ROBO2: variants seen among roughly 807,000 people sequenced by gnomAD.
ROBO2 encodes roundabout homolog 2.
Under a neutral mutation model 160.8 loss-of-function variants are expected in ROBO2, and 53 were observed. The observed-to-expected ratio is 0.33, with a 90% CI of 0.26 to 0.41. The LOEUF (loss-of-function observed/expected upper bound fraction) is 0.41. Among genes scored for constraint, ROBO2 ranks in the 10% least tolerant of loss-of-function variants. ROBO2 has a pLI of 1.00. For synonymous variants in ROBO2, 664 were observed against 611.7 expected, an observed-to-expected ratio of 1.09 and a Z score of -1.26; for missense variants, 1,577 against 1,722.4, an observed-to-expected ratio of 0.92 and a Z score of 1.49.
intron 2 of ROBO2, among the ~76,000 whole-genome samples, chr3:76,897,528 C>G (rs1044203719): frequency 2.6e-5 from 4 of 152,098 alleles, no homozygotes; most frequent in African/African-American, 7.2e-5. Context: ...AGTGCAGACA[C>G]CGTAAACCAA....
intron 2 of ROBO2, among the ~76,000 whole-genome samples, chr3:76,842,093 A>G (rs894679298): frequency 9.9e-5 from 15 of 152,214 alleles, no homozygotes; most frequent in South Asian, 8.3e-4. Flanking sequence ...TTTTGCCACA[A>G]TCGTGTTGTT....
At chr3:76,716,252 T>C (rs1365304275) in intron 2 of ROBO2, among the ~76,000 whole-genome samples, 2 of 152,214 alleles carry the variant, frequency 1.3e-5, no homozygotes, top group African/African-American at 4.8e-5. Context: ...GATACTGTTT[T>C]TGGAGTCTCT....
intron 2 of ROBO2, among the ~76,000 whole-genome samples, chr3:76,105,951 A>G (rs902717562): frequency 2.0e-5 from 3 of 152,148 alleles, no homozygotes; most frequent in African/African-American, 4.8e-5. Flanking sequence ...CCACTGTACA[A>G]TGGTTTCAGT....
chr3:77,505,487 T>C (rs1561022495), intron 5 of ROBO2, among the ~76,000 whole-genome samples: 1 of 152,170 alleles, frequency 6.6e-6, no homozygotes, highest in Non-Finnish European at 1.5e-5. Context: ...AGTCTCATCA[T>C]TTTTAATCAT....
intron 2 of ROBO2, among the ~76,000 whole-genome samples, chr3:77,008,804 C>T (rs1365998434): frequency 6.6e-6 from 1 of 152,080 alleles, no homozygotes; most frequent in African/African-American, 2.4e-5. Context: ...AAATGGAAAA[C>T]TTAACGGGCC....
intron 2 of ROBO2, among the ~76,000 whole-genome samples, chr3:76,171,066 T>C (rs936647639): frequency 9.9e-5 from 15 of 152,230 alleles, no homozygotes; most frequent in African/African-American, 3.6e-4. Flanking sequence ...CTGGTAAAGA[T>C]CCAAACTTAA....
intron 2 of ROBO2, among the ~76,000 whole-genome samples, chr3:76,344,703 G>T (rs2108216091): frequency 6.6e-6 from 1 of 152,220 alleles, no homozygotes; most frequent in African/African-American, 2.4e-5. Flanking sequence ...TTTGGTTTAG[G>T]AAATTATATG....
intron 2 of ROBO2, among the ~76,000 whole-genome samples, chr3:77,312,891 T>G (rs1246387391): frequency 6.6e-6 from 1 of 152,184 alleles, no homozygotes; most frequent in East Asian, 1.9e-4. Flanking sequence ...AAATCTTAAT[T>G]ATCACCAAAT....
chr3:76,304,604 A>G (rs1366502426), intron 2 of ROBO2, among the ~76,000 whole-genome samples: 1 of 152,216 alleles, frequency 6.6e-6, no homozygotes, highest in Non-Finnish European at 1.5e-5. Context: ...TGTAGTTAGT[A>G]GAGAATAATC....
At chr3:77,509,116 A>G (rs1009640423) in intron 5 of ROBO2, among the ~76,000 whole-genome samples, 1 of 152,138 alleles carries the variant, frequency 6.6e-6, no homozygotes, top group Non-Finnish European at 1.5e-5. Context: ...AAAAGTGACA[A>G]GACAAAGTAG....
chr3:76,910,907 T>C (rs1559690258), intron 2 of ROBO2, among the ~76,000 whole-genome samples: 1 of 152,054 alleles, frequency 6.6e-6, no homozygotes, highest in African/African-American at 2.4e-5. Flanking sequence ...GGGGGATAAG[T>C]CCTTTTTTTG....
chr3:76,166,599 T>C (rs1428900795), intron 2 of ROBO2, among the ~76,000 whole-genome samples: 2 of 152,132 alleles, frequency 1.3e-5, no homozygotes, highest in African/African-American at 2.4e-5. Context: ...ATTCAGGCAG[T>C]TGAGATTCAA....
intron 2 of ROBO2, among the ~76,000 whole-genome samples, chr3:76,390,907 A>G (rs1201054718): frequency 1.3e-5 from 2 of 152,148 alleles, no homozygotes; most frequent in Admixed American, 1.3e-4. Context: ...CTGCCATATA[A>G]CAGAGACAGT....
chr3:76,530,416 T>C (rs1407924167), intron 2 of ROBO2, among the ~76,000 whole-genome samples: 1 of 152,164 alleles, frequency 6.6e-6, no homozygotes, highest in Non-Finnish European at 1.5e-5. Flanking sequence ...ATCCCAGTAG[T>C]GTTCCTCCGA....
chr3:76,806,550 A>G (rs922110045), intron 2 of ROBO2, among the ~76,000 whole-genome samples: 1 of 152,026 alleles, frequency 6.6e-6, no homozygotes, highest in Non-Finnish European at 1.5e-5. Context: ...CATTTTGGAT[A>G]TGGTCACATC....
chr3:77,068,461 A>G (rs746057071), intron 1 of ROBO2, among the ~76,000 whole-genome samples: 2 of 152,096 alleles, frequency 1.3e-5, no homozygotes, highest in African/African-American at 4.8e-5. Context: ...GTTTAAATGA[A>G]CATTGCATGG....
chr3:76,264,053 A>G (rs1333189808), intron 2 of ROBO2, among the ~76,000 whole-genome samples: 3 of 152,038 alleles, frequency 2.0e-5, no homozygotes, highest in Non-Finnish European at 4.4e-5. Context: ...GGAATATCAC[A>G]CTCCTGGGCC....
chr3:76,097,716 C>A (rs2069512568), intron 2 of ROBO2, among the ~76,000 whole-genome samples: 1 of 152,020 alleles, frequency 6.6e-6, no homozygotes, highest in Admixed American at 6.5e-5. Context: ...TAGGAAGCAG[C>A]GAATACACAT....
At chr3:77,625,297 G>A (rs2094987924) in intron 23 of ROBO2, among the ~76,000 whole-genome samples, 1 of 151,816 alleles carries the variant, frequency 6.6e-6, no homozygotes, top group African/African-American at 2.4e-5. Context: ...CTAATCACTT[G>A]GCTAAAAATT....
Sources: allele counts gnomAD v4.1 joint callset (sites outside exome capture counted in the v4.1 genomes callset), GRCh38; gene constraint gnomAD v4.1.1; transcripts MANE v1.5; gene names NCBI Gene and HGNC (gene_info 2026-07-23, HGNC 2026-07-21).